GRIA1: variants seen among roughly 807,000 people sequenced by gnomAD.
GRIA1 encodes the protein glutamate ionotropic receptor AMPA type subunit 1, also known as glutamate receptor 1.
GRIA1 carries 31 observed loss-of-function variants against 99.2 expected under a neutral mutation model. The observed-to-expected ratio is 0.31, with a 90% confidence interval of 0.23 to 0.42. The LOEUF (loss-of-function observed/expected upper bound fraction) is 0.42. GRIA1 is among the 10% of genes least tolerant of loss of function. The pLI, the probability that GRIA1 is intolerant of heterozygous loss-of-function variation, is 1.00. For synonymous variants in GRIA1, 438 were observed against 432.4 expected (o/e 1.01, Z -0.16); for missense variants, 782 against 1,157.5 (o/e 0.68, Z 4.71).
In GRIA1 at chr5:153,598,958, C is replaced by T. The variant is rs188780345; in HGVS notation, c.221-47970C>T. ...GTACAGTGGCACAATCTCGGCTCAC[C>T]GCAAGCTCCACCTCCCAGGTTCATG... is the stretch of plus-strand genomic sequence containing the variant. On this transcript the variant is annotated intron_variant, in intron 2 of 15. Coordinates refer to ENST00000285900, the MANE Select transcript of GRIA1 (RefSeq NM_000827.4). 6.2e-4 allele frequency among the ~76,000 whole-genome samples: 95 copies of T among 152,244 alleles called. 1 individual carries two copies. The highest frequency in any genetic ancestry group is 5.9e-5 in the Non-Finnish European group (4 of 68,000).
At chr5:153,600,938 T>C (rs1764901131) in intron 2 of GRIA1, among the ~76,000 whole-genome samples, 1 of 152,208 alleles carries the variant, frequency 6.6e-6, no homozygotes, top group South Asian at 2.1e-4. Context: ...GGGGCACTTC[T>C]TTATCTCATG....
At chr5:153,504,736 G>A (rs764028472) in intron 2 of GRIA1, among the ~76,000 whole-genome samples, 16 of 152,178 alleles carry the variant, frequency 1.1e-4, no homozygotes, top group Admixed American at 2.6e-4. Context: ...GAAAGTGCTA[G>A]CCATTCACCC....
chr5:153,765,202 G>GC (rs1763435655), intron 12 of GRIA1, among the ~76,000 whole-genome samples: 1 of 152,078 alleles, frequency 6.6e-6, no homozygotes, highest in African/African-American at 2.4e-5. Context: ...AAGGAGCAGA[G>GC]AGCTTAGGAG....
chr5:153,575,876 T>C (rs1443509543), intron 2 of GRIA1, among the ~76,000 whole-genome samples: 1 of 152,188 alleles, frequency 6.6e-6, no homozygotes, highest in Non-Finnish European at 1.5e-5. Context: ...AGTGATGGAT[T>C]TGGGATGCTT....
At chr5:153,615,236 G>C (rs369586535) in intron 2 of GRIA1, among the ~76,000 whole-genome samples, 1 of 152,120 alleles carries the variant, frequency 6.6e-6, no homozygotes, top group Non-Finnish European at 1.5e-5. Flanking sequence ...CTAAGTACTC[G>C]TTATTAAGTC....
intron 2 of GRIA1, among the ~76,000 whole-genome samples, chr5:153,594,997 T>G (rs906545548): frequency 1.3e-5 from 2 of 152,082 alleles, no homozygotes; most frequent in African/African-American, 4.8e-5. Flanking sequence ...CACTTCCTCT[T>G]CACAGATGGT....
chr5:153,757,264 A>G (rs1426633198), intron 11 of GRIA1, among the ~76,000 whole-genome samples: 1 of 152,198 alleles, frequency 6.6e-6, no homozygotes, highest in Non-Finnish European at 1.5e-5. Context: ...ATAGGAAAAA[A>G]GAATGAAATA....
chr5:153,705,122 G>A (rs56078952), intron 10 of GRIA1, among the ~76,000 whole-genome samples: 8,519 of 152,244 alleles, frequency 0.056, 302 homozygotes, highest in Non-Finnish European at 0.075. Context: ...CACAGATTCT[G>A]AGGGAATCCA....
intron 11 of GRIA1, among the ~76,000 whole-genome samples, chr5:153,730,181 G>A (rs1472361102): frequency 6.6e-6 from 1 of 151,988 alleles, no homozygotes; most frequent in African/African-American, 2.4e-5. Context: ...CCATAGTTCT[G>A]GGGTGAGGCC....
chr5:153,730,856 T>C (rs1760960233), intron 11 of GRIA1, among the ~76,000 whole-genome samples: 1 of 152,126 alleles, frequency 6.6e-6, no homozygotes, highest in Non-Finnish European at 1.5e-5. Flanking sequence ...TTTCTCCTCT[T>C]ATGTCAGAAT....
At chr5:153,563,541 G>GA (rs891284772) in intron 2 of GRIA1, among the ~76,000 whole-genome samples, 1 of 152,132 alleles carries the variant, frequency 6.6e-6, no homozygotes, top group African/African-American at 2.4e-5. Flanking sequence ...AATAGTTTGG[G>GA]AAAAAAATTA....
At chr5:153,579,596 A>C (rs1012596996) in intron 2 of GRIA1, among the ~76,000 whole-genome samples, 6 of 152,240 alleles carry the variant, frequency 3.9e-5, no homozygotes, top group Non-Finnish European at 8.8e-5. Context: ...CATGTTTAGT[A>C]ATGCATATAG....
chr5:153,741,677 C>A (rs997071422), intron 11 of GRIA1, among the ~76,000 whole-genome samples: 3 of 152,044 alleles, frequency 2.0e-5, no homozygotes, highest in African/African-American at 7.2e-5. Flanking sequence ...CGCATGGTTC[C>A]ACTTATATGA....
rs372029666 is a variant in GRIA1 at position 153,794,750 on chromosome 5, G to GAAA, written c.2385+24_2385+26dup. 8.1e-7 allele frequency: 1 copy of GAAA among 1,231,864 alleles called. No homozygotes were observed. Among genetic ancestry groups the GAAA allele is most frequent in the Non-Finnish European group, 1.1e-6 (1 of 904,748 alleles). 76.3% of individuals were successfully genotyped at this position (1,231,864 alleles called of 1,614,324 possible). A position where few individuals can be genotyped will look rare whatever the true frequency, so the allele number is the denominator to read the frequency against. ...GTGATTCCAAGGTCAGCCCCAGTAAGAAAAAAAAAAACCTAGTGGGTATGA... is the reference window on the plus strand; with the variant it reads ...GTGATTCCAAGGTCAGCCCCAGTAAGAAAAAAAAAAAAAACCTAGTGGGTATGA... On this transcript the variant is annotated intron_variant, in intron 14 of 15. Coordinates refer to ENST00000285900, the MANE Select transcript of GRIA1 (RefSeq NM_000827.4).
intron 11 of GRIA1, among the ~76,000 whole-genome samples, chr5:153,718,191 A>G (rs948266260): frequency 1.3e-5 from 2 of 152,252 alleles, no homozygotes; most frequent in Non-Finnish European, 2.9e-5. Flanking sequence ...ACACAGTAGA[A>G]GAACCAAGGT....
chr5:153,611,960 G>GT (rs1226566103), intron 2 of GRIA1, among the ~76,000 whole-genome samples: 1 of 152,192 alleles, frequency 6.6e-6, no homozygotes, highest in Non-Finnish European at 1.5e-5. Flanking sequence ...TCATGACTCT[G>GT]TTTTTTAATT....
chr5:153,621,695 A>G (rs1471338655), intron 2 of GRIA1, among the ~76,000 whole-genome samples: 1 of 152,186 alleles, frequency 6.6e-6, no homozygotes, highest in Non-Finnish European at 1.5e-5. Context: ...ACTTTTTAAA[A>G]GAATCAAATG....
In GRIA1 at chr5:153,698,059, G is replaced by A. The variant is rs1181957676; in HGVS notation, c.1150G>A (p.Glu384Lys). 6.2e-7 allele frequency: 1 copy of A among 1,601,190 alleles called. No homozygotes were observed. Among genetic ancestry groups the A allele is most frequent in the Non-Finnish European group, 8.6e-7 (1 of 1,168,388 alleles). Reference sequence around the variant, plus strand: ...TCATTAACAGATTGGTTACTGGAATGAAGATGATAAGTTTGTCCCTGCAGC... The same window carrying A: ...TCATTAACAGATTGGTTACTGGAATAAAGATGATAAGTTTGTCCCTGCAGC... ...DGIRKIGYWN[E>K]DDKFVPAATD... The change falls in exon 9 of 16, where the codon GAA becomes AAA. Residue 384 changes from glutamate (E) to lysine (K), a missense_variant. Physicochemically the swap from Glu to Lys is moderately conservative, Grantham distance 56 (BLOSUM62 1). This residue lies in a region of GRIA1 where 461 missense variants were observed against 521.7 expected (regional missense o/e 0.88). Transcript: ENST00000285900.
At chr5:153,511,231 A>T (rs998635968) in intron 2 of GRIA1, among the ~76,000 whole-genome samples, 1 of 152,188 alleles carries the variant, frequency 6.6e-6, no homozygotes, top group Non-Finnish European at 1.5e-5. Context: ...CATAGTTCCC[A>T]AAGCAGTGCC....
Sources: allele counts gnomAD v4.1 joint callset (sites outside exome capture counted in the v4.1 genomes callset), GRCh38; gene constraint gnomAD v4.1.1; regional missense constraint gnomAD v4.1.1; transcripts MANE v1.5; gene names NCBI Gene and HGNC (gene_info 2026-07-23, HGNC 2026-07-21).